The following OPHN1 variants were observed in gnomAD, a reference collection of about 807,000 sequenced individuals.
OPHN1 encodes the protein oligophrenin-1.
In OPHN1, 11 loss-of-function variants were observed where a neutral mutation model predicts 60.7. That is an observed-to-expected ratio of 0.18 (90% CI 0.11 to 0.30). The LOEUF (loss-of-function observed/expected upper bound fraction) is 0.30, where lower values mean the gene tolerates loss of function less well. OPHN1 is among the 10% of genes least tolerant of loss of function. OPHN1 has a pLI of 1.00. For synonymous variants in OPHN1, 226 were observed against 222.6 expected, an observed-to-expected ratio of 1.02 and a Z score of -0.14; for missense variants, 449 against 611.0, an observed-to-expected ratio of 0.73 and a Z score of 2.80.
chrX:68,409,441 T>C (rs931595664), intron 2 of OPHN1, among the ~76,000 whole-genome samples: 4 of 111,296 alleles, frequency 3.6e-5, no homozygotes, highest in African/African-American at 9.8e-5. Context: ...AAGGTGATTA[T>C]CACTAGGCAG....
At chrX:68,120,527 G>T (rs1424710610) in intron 15 of OPHN1, among the ~76,000 whole-genome samples, 1 of 111,865 alleles carries the variant, frequency 8.9e-6, no homozygotes, top group Non-Finnish European at 1.9e-5. Flanking sequence ...CATGTTCATG[G>T]ATTAGGAGAA....
chrX:68,416,033 AATAT>A (rs1163304135), intron 2 of OPHN1, among the ~76,000 whole-genome samples: 472 of 29,463 alleles, frequency 0.016, 5 homozygotes, highest in South Asian at 0.032. Flanking sequence ...AAAATTATAT[AATAT>A]ATATATATAT....
chrX:68,101,753 G>T (rs1038398950), intron 18 of OPHN1, among the ~76,000 whole-genome samples: 4 of 112,229 alleles, frequency 3.6e-5, no homozygotes, highest in Non-Finnish European at 7.5e-5. Context: ...TCTCAGCCCT[G>T]CATTGACAGG....
intron 16 of OPHN1, among the ~76,000 whole-genome samples, chrX:68,117,154 C>G (rs1041657763): frequency 4.5e-5 from 5 of 110,962 alleles, no homozygotes; most frequent in Non-Finnish European, 9.4e-5. Flanking sequence ...TTACATACCT[C>G]TCCCTCCCTC....
chrX:68,389,115 T>C (rs1268026441), intron 2 of OPHN1, among the ~76,000 whole-genome samples: 1 of 73,058 alleles, frequency 1.4e-5, no homozygotes, highest in Non-Finnish European at 3.1e-5. Flanking sequence ...CCATCAACTC[T>C]GGCTAATTTT....
intron 3 of OPHN1, among the ~76,000 whole-genome samples, chrX:68,292,264 T>C (rs1480805928): frequency 9.0e-6 from 1 of 111,689 alleles, no homozygotes; most frequent in East Asian, 2.8e-4. Context: ...ATGTTCATGG[T>C]ATATTATGTC....
chrX:68,079,302 C>T (rs2076965798), intron 19 of OPHN1, among the ~76,000 whole-genome samples: 1 of 111,702 alleles, frequency 9.0e-6, no homozygotes, highest in Non-Finnish European at 1.9e-5. Context: ...TCTACACTTT[C>T]CAGACAGTTA....
intron 2 of OPHN1, among the ~76,000 whole-genome samples, chrX:68,344,565 T>C (rs765718137): frequency 2.3e-4 from 25 of 109,594 alleles, no homozygotes; most frequent in Non-Finnish European, 3.6e-4. Flanking sequence ...CGAGCCGAGA[T>C]TGTGCCACTG....
intron 5 of OPHN1, among the ~76,000 whole-genome samples, chrX:68,242,187 A>T (rs1164742876): frequency 1.0e-5 from 1 of 97,598 alleles, no homozygotes; most frequent in Non-Finnish European, 2.0e-5. Flanking sequence ...GGAGTTTGAG[A>T]CCAGCATGGT....
At chrX:68,154,069 C>A (rs1602195158) in intron 15 of OPHN1, among the ~76,000 whole-genome samples, 1 of 112,376 alleles carries the variant, frequency 8.9e-6, no homozygotes. Flanking sequence ...CAAAGAACAA[C>A]ATTGGCAGCA....
rs183074453 is a variant in OPHN1 at position 68,295,856 on chromosome X, G to A, written c.250+3145C>T. Reference sequence around the variant, plus strand: ...TGAGTGACCTTTTGGAGCCAATAATGAAAAATTTTTAATGAGAAGGCCCTC... The same window carrying A: ...TGAGTGACCTTTTGGAGCCAATAATAAAAAATTTTTAATGAGAAGGCCCTC... On this transcript the variant is annotated intron_variant, in intron 3 of 24. Coordinates refer to ENST00000355520, the MANE Select transcript of OPHN1 (RefSeq NM_002547.3). Among the ~76,000 whole-genome samples, 12 of 111,912 alleles carry A rather than the reference G, an allele frequency of 1.1e-4. 1 individual carries two copies. Among genetic ancestry groups the A allele is most frequent in the Admixed American group, 8.5e-4 (9 of 10,530 alleles).
intron 6 of OPHN1, among the ~76,000 whole-genome samples, chrX:68,232,418 A>C (rs1350801688): frequency 5.4e-5 from 6 of 111,415 alleles, no homozygotes; most frequent in African/African-American, 2.0e-4. Context: ...CGGTGGTGTC[A>C]CCCAAGACAC....
At chrX:68,183,194 T>C (rs1450614628) in intron 15 of OPHN1, among the ~76,000 whole-genome samples, 3 of 112,079 alleles carry the variant, frequency 2.7e-5, no homozygotes, top group Non-Finnish European at 5.6e-5. Context: ...AGTAACTACA[T>C]AACAGCAAGA....
chrX:68,073,430 G>C (rs2076942408), intron 19 of OPHN1, 131 bp from the exon 20 acceptor site: 1 of 546,372 alleles, frequency 1.8e-6, no homozygotes, highest in Admixed American at 3.7e-5. Context: ...ATGACTCAAA[G>C]AATCAGAGAT....
intron 2 of OPHN1, among the ~76,000 whole-genome samples, chrX:68,398,629 C>T (rs745328807): frequency 1.8e-5 from 2 of 111,526 alleles, no homozygotes; most frequent in Non-Finnish European, 3.8e-5. Context: ...CTACCTTAGA[C>T]TGGGAATCAG....
intron 2 of OPHN1, among the ~76,000 whole-genome samples, chrX:68,409,874 TAAG>T (rs2078761216): frequency 9.0e-6 from 1 of 111,546 alleles, no homozygotes; most frequent in Admixed American, 9.6e-5. Context: ...TAAACAGGTT[TAAG>T]AAGGAGTTAG....
rs140694610 is a variant in OPHN1 at position 68,157,759 on chromosome X, C to G, written c.1276+35160G>C. On this transcript the variant is annotated intron_variant, in intron 15 of 24. Transcript: ENST00000355520. ...TAAAAAGTCTACTTTGTGCATGGCA[C>G]TGATCTACATACTAGGCATACCACA... Among the ~76,000 whole-genome samples the G allele has an allele frequency of 6.3e-4, 71 of 111,911 alleles. 1 individual carries two copies. In the East Asian group the frequency reaches 0.012, roughly 19 times the overall value.
Position 68,051,463 on chromosome X carries a change from C to T in OPHN1, c.2375+1077G>A, listed in dbSNP as rs753547415. Reference sequence around the variant, plus strand: ...TTCCCAGGCCCCACTACTAGAGATTCTGTTTTAGTGGGTCTAGAATGAAAT... The same window carrying T: ...TTCCCAGGCCCCACTACTAGAGATTTTGTTTTAGTGGGTCTAGAATGAAAT... On this transcript the variant is annotated intron_variant, in intron 23 of 24. Coordinates refer to ENST00000355520, the MANE Select transcript of OPHN1 (RefSeq NM_002547.3). Among the ~76,000 whole-genome samples the T allele has an allele frequency of 2.2e-4, 24 of 111,626 alleles. No homozygotes were observed. The East Asian group carries it at 6.0e-3, about 28-fold the overall frequency.
chrX:68,251,180 GTTTTTTTT>G (rs1161101532), intron 5 of OPHN1, among the ~76,000 whole-genome samples: 1 of 45,745 alleles, frequency 2.2e-5, no homozygotes, highest in South Asian at 1.7e-3. Context: ...CTCCTCAAAT[GTTTTTTTT>G]TTTTTTTTTT....
Sources: gnomAD v4.1 joint callset for allele counts (sites outside exome capture counted in the v4.1 genomes callset) on GRCh38, gnomAD v4.1.1 for gene constraint, MANE v1.5 for transcripts, NCBI Gene and HGNC (gene_info 2026-07-23, HGNC 2026-07-21) for gene names.